The following C9 variants were observed in gnomAD, a reference collection of about 807,000 sequenced individuals.
The protein encoded by C9 is complement component C9.
Under a neutral mutation model 65.4 loss-of-function variants are expected in C9, and 63 were observed. The ratio of observed to expected loss-of-function variants is 0.96; its 90% confidence interval spans 0.79 to 1.19. The LOEUF (loss-of-function observed/expected upper bound fraction) is 1.19, where lower values mean the gene tolerates loss of function less well. Ranked by LOEUF, C9 falls within the 50% of genes most tolerant of loss-of-function variation. C9 has a pLI of 0.00. For synonymous variants in C9, 229 were observed against 227.9 expected, an observed-to-expected ratio of 1.00 and a Z score of -0.04; for missense variants, 744 against 670.1, an observed-to-expected ratio of 1.11 and a Z score of -1.22.
rs1361939161 is a variant in C9 at position 39,288,945 on chromosome 5, G to A, written c.1423C>T (p.Pro475Ser). ...APVLISQKLSPIYNLVPVKMK... is the reference protein window; with the variant it reads ...APVLISQKLSSIYNLVPVKMK... ...TTCACTGGAACCAGATTATATATAG[G>A]AGACAGCTGAAAGGAAGCAAAACAT... The change falls in exon 10 of 11, where the codon CCT becomes TCT. Residue 475 changes from proline (P) to serine (S), a missense_variant. Physicochemically the swap from Pro to Ser is moderately conservative, Grantham distance 74. Coordinates refer to ENST00000263408, the MANE Select transcript of C9 (RefSeq NM_001737.5). 6.3e-7 allele frequency: 1 copy of A among 1,578,080 alleles called. No individual in the cohort carries two copies. The highest frequency in any genetic ancestry group is 1.4e-5 in the African/African-American group (1 of 74,032).
chr5:39,361,152 A>G (rs1417668922), intron 1 of C9, among the ~76,000 whole-genome samples: 1 of 152,110 alleles, frequency 6.6e-6, no homozygotes, highest in Non-Finnish European at 1.5e-5. Flanking sequence ...AAAAAATAGT[A>G]TATATAATAT....
chr5:39,314,204 C>A (rs192652797), intron 6 of C9, among the ~76,000 whole-genome samples: 72 of 152,224 alleles, frequency 4.7e-4, no homozygotes, highest in African/African-American at 1.7e-3. Context: ...AATCCCAGCA[C>A]TTTGGGAGGC....
chr5:39,357,136 A>G (rs1365468944), intron 1 of C9, among the ~76,000 whole-genome samples: 3 of 152,202 alleles, frequency 2.0e-5, no homozygotes, highest in Non-Finnish European at 4.4e-5. Context: ...TTTTAGAAAA[A>G]GAAAGCCTCA....
At chr5:39,336,134 T>G (rs141613363) in intron 4 of C9, among the ~76,000 whole-genome samples, 92 of 152,320 alleles carry the variant, frequency 6.0e-4, no homozygotes, top group African/African-American at 2.2e-3. Context: ...AATGCTGTAG[T>G]GATGCTGGGT....
intron 9 of C9, among the ~76,000 whole-genome samples, chr5:39,290,345 C>T (rs1394675463): frequency 3.3e-5 from 5 of 151,796 alleles, no homozygotes. Flanking sequence ...CTAGCAAGAG[C>T]TGTTTGAGTG....
chr5:39,301,020 A>G (rs1032820178), intron 9 of C9, among the ~76,000 whole-genome samples: 2 of 152,096 alleles, frequency 1.3e-5, no homozygotes, highest in Non-Finnish European at 2.9e-5. Flanking sequence ...CTGTTGAAGG[A>G]TAATACATAG....
intron 1 of C9, among the ~76,000 whole-genome samples, chr5:39,362,424 G>T (rs1688336713): frequency 1.3e-5 from 2 of 152,168 alleles, no homozygotes; most frequent in Admixed American, 6.5e-5. Context: ...ACAAGGGAGT[G>T]CTGGCCACCA....
At chr5:39,312,221 G>A (rs1753496323) in intron 6 of C9, among the ~76,000 whole-genome samples, 1 of 152,026 alleles carries the variant, frequency 6.6e-6, no homozygotes, top group Non-Finnish European at 1.5e-5. Context: ...CTTGCTAAAG[G>A]AGATGGCTAC....
intron 1 of C9, among the ~76,000 whole-genome samples, chr5:39,347,420 C>T (rs58742708): frequency 1.3e-5 from 2 of 152,098 alleles, no homozygotes; most frequent in African/African-American, 4.8e-5. Context: ...CTCCCATTCA[C>T]AATTGCTTCA....
In C9 at chr5:39,359,102, G is replaced by GTGTGTGTATATATATATATATATATA. The variant is rs1407613505; in HGVS notation, c.77+5285_77+5286insTATATATATATATATATATACACACA. Among the ~76,000 whole-genome samples the GTGTGTGTATATATATATATATATATA allele has an allele frequency of 2.9e-3, 302 of 103,578 alleles. 1 individual carries two copies. Among genetic ancestry groups the GTGTGTGTATATATATATATATATATA allele is most frequent in the Admixed American group, 7.6e-3 (69 of 9,028 alleles). The allele number at this position is 103,578 out of a possible 152,430, so 68.0% of individuals were successfully genotyped here. Reference sequence around the variant, plus strand: ...TGTATATATATATGTGTGTGTGTGTGTATATATATATATATATATATATGT... The same window carrying GTGTGTGTATATATATATATATATATA: ...TGTATATATATATGTGTGTGTGTGTGTGTGTGTATATATATATATATATATATATATATATATATATATATATATGT... On this transcript the variant is annotated intron_variant, in intron 1 of 10. Transcript: ENST00000263408.
chr5:39,303,894 T>C (rs1753330666), intron 9 of C9, among the ~76,000 whole-genome samples: 2 of 152,118 alleles, frequency 1.3e-5, no homozygotes, highest in Non-Finnish European at 1.5e-5. Flanking sequence ...GAGACGGTGC[T>C]CTGTCCATGG....
At chr5:39,363,870 T>C (rs1754566776) in intron 1 of C9, among the ~76,000 whole-genome samples, 1 of 152,208 alleles carries the variant, frequency 6.6e-6, no homozygotes, top group Non-Finnish European at 1.5e-5. Context: ...GGAAGAAATA[T>C]GACCTAAATC....
chr5:39,314,326 G>A (rs1270261353), intron 6 of C9, among the ~76,000 whole-genome samples: 1 of 151,996 alleles, frequency 6.6e-6, no homozygotes. Context: ...GTGCATGCCT[G>A]TAATCCCAGC....
chr5:39,301,069 T>A (rs752014578), intron 9 of C9, among the ~76,000 whole-genome samples: 4 of 152,016 alleles, frequency 2.6e-5, no homozygotes, highest in Non-Finnish European at 4.4e-5. Flanking sequence ...CAACTTTAAT[T>A]CAAACATTAA....
At chr5:39,290,642 T>G (rs941771796) in intron 9 of C9, among the ~76,000 whole-genome samples, 5 of 151,562 alleles carry the variant, frequency 3.3e-5, no homozygotes, top group African/African-American at 1.2e-4. Flanking sequence ...GGACAACTAA[T>G]AAGAAAATAA....
At position 39,284,925 on chromosome 5, in the gene C9, A is replaced by G. The variant is rs1752963288; in HGVS notation, c.*274T>C. On this transcript the variant is annotated 3_prime_UTR_variant, in exon 11 of 11. Transcript: ENST00000263408. ...TTTTAATTTAATTTTGTTTTTTTTT[A>G]GAAGAGATTGGCATTTTCCGTGGGA... The G allele has an allele frequency of 2.4e-6, 1 of 422,482 alleles. No homozygotes were observed. The highest frequency in any genetic ancestry group is 2.0e-5 in the African/African-American group (1 of 49,042). The allele number at this position is 422,482 out of a possible 1,614,324, so 26.2% of individuals were successfully genotyped here.
intron 9 of C9, among the ~76,000 whole-genome samples, chr5:39,306,020 C>CTT (rs1753368074): frequency 6.6e-6 from 1 of 151,664 alleles, no homozygotes; most frequent in South Asian, 2.1e-4. Context: ...AAAATTAGCT[C>CTT]GATGTGGTGG....
intron 7 of C9, among the ~76,000 whole-genome samples, chr5:39,309,103 A>G (rs1753431164): frequency 6.6e-6 from 1 of 151,566 alleles, no homozygotes; most frequent in Non-Finnish European, 1.5e-5. Context: ...CCAAACAGTT[A>G]CTAGAAAGAA....
At chr5:39,323,316 T>C (rs1311897806) in intron 5 of C9, among the ~76,000 whole-genome samples, 3 of 151,904 alleles carry the variant, frequency 2.0e-5, no homozygotes, top group Non-Finnish European at 4.4e-5. Context: ...ATTCATTTTA[T>C]AAGACCAGCA....
Sources: gnomAD v4.1 joint callset for allele counts (sites outside exome capture counted in the v4.1 genomes callset) on GRCh38, gnomAD v4.1.1 for gene constraint, MANE v1.5 for transcripts, NCBI Gene and HGNC (gene_info 2026-07-23, HGNC 2026-07-21) for gene names.